Variants in RNF14 observed in about 807,000 individuals in gnomAD.
RNF14 encodes ring finger protein 14.
Under a neutral mutation model 52.6 loss-of-function variants are expected in RNF14, and 26 were observed. The observed-to-expected ratio is 0.49, with a 90% CI of 0.36 to 0.69. The LOEUF (loss-of-function observed/expected upper bound fraction) is 0.69. RNF14 is among the 30% of genes least tolerant of loss of function. The probability of loss-of-function intolerance (pLI) is 0.00; values close to 1 mark genes in which losing one functional copy is unlikely to be tolerated. For missense variants in RNF14, 404 were observed against 560.4 expected, an observed-to-expected ratio of 0.72 and a Z score of 2.82; for synonymous variants, 194 against 202.0, an observed-to-expected ratio of 0.96 and a Z score of 0.34.
Position 141,978,703 on chromosome 5 carries a change from T to C in RNF14, c.707T>C (p.Leu236Ser). 6.2e-7 allele frequency: 1 copy of C among 1,614,012 alleles called. No homozygotes were observed. The change falls in exon 5 of 9, where the codon TTG becomes TCG. Residue 236 changes from leucine (L) to serine (S), a missense_variant. Leu to Ser is a moderately radical substitution (Grantham distance 145). Transcript: ENST00000394520. ...CTGGGTAGTGAATGCATGTACTTCT[T>C]GGAGTGCAGGCATGTGTACTGCAAA... is the stretch of plus-strand genomic sequence containing the variant. ...EKLGSECMYFLECRHVYCKAC... is the reference protein window; with the variant it reads ...EKLGSECMYFSECRHVYCKAC...
At chr5:141,973,782 T>C (rs561394063) in intron 3 of RNF14, 40 bp downstream of exon 3, 2 of 1,521,688 alleles carry the variant, frequency 1.3e-6, no homozygotes, top group African/African-American at 2.8e-5. Context: ...TCTATTATTC[T>C]TTATTTCTTA....
chr5:141,989,857 G>A lies in RNF14; in HGVS notation c.*2067G>A, dbSNP rs252089. 0.87 allele frequency: 133,133 copies of A among 152,204 alleles called. 58,405 individuals carry two copies. Among genetic ancestry groups the A allele is most frequent in the East Asian group, 0.98 (5,095 of 5,190 alleles). The allele number at this position is 152,204 out of a possible 1,614,324, so 9.4% of individuals were successfully genotyped here. A position where few individuals can be genotyped will look rare whatever the true frequency, so the allele number is the denominator to read the frequency against. On this transcript the variant is annotated 3_prime_UTR_variant, in exon 9 of 9. Coordinates refer to ENST00000394520, the MANE Select transcript of RNF14 (RefSeq NM_004290.5). ...GAGCTACTCAGAAGCTCTATAGTTCGTGAGCTACTTGATATTTTCTAGAGA... is the reference window on the plus strand; with the variant it reads ...GAGCTACTCAGAAGCTCTATAGTTCATGAGCTACTTGATATTTTCTAGAGA...
At chr5:141,967,987 A>G (rs1398666859), upstream of RNF14, among the ~76,000 whole-genome samples, 1 of 152,236 alleles carries the variant, frequency 6.6e-6, no homozygotes, top group African/African-American at 2.4e-5. Context: ...AGCGGTATCT[A>G]TTAGCAGTCA....
At chr5:141,961,532 G>A (rs73792080) in intron 1 of RNF14, among the ~76,000 whole-genome samples, 205 of 152,256 alleles carry the variant, frequency 1.3e-3, no homozygotes, top group African/African-American at 4.7e-3. Flanking sequence ...CTGGAAAGGC[G>A]ACGTTTTCCT....
chr5:141,960,432 CAAAATGGGCAAAG>C (rs1753260973), intron 1 of RNF14, among the ~76,000 whole-genome samples: 1 of 152,144 alleles, frequency 6.6e-6, no homozygotes, highest in Non-Finnish European at 1.5e-5. Context: ...GTGGCAGGGG[CAAAATGGGCAAAG>C]GCCCCGAAGT....
At chr5:141,974,742 A>T in intron 3 of RNF14, 62 bp from the exon 4 acceptor site, 1 of 1,527,756 alleles carries the variant, frequency 6.5e-7, no homozygotes, top group Non-Finnish European at 9.0e-7. Context: ...AGCGCTGCTC[A>T]ACAGTAGTGG....
Position 141,988,648 on chromosome 5 carries a change from A to G in RNF14, c.*858A>G, listed in dbSNP as rs1473665972. On this transcript the variant is annotated 3_prime_UTR_variant, in exon 9 of 9. Coordinates refer to ENST00000394520, the MANE Select transcript of RNF14 (RefSeq NM_004290.5). ...GGATGATTTTAATATTAATTCCAGG[A>G]ACACATGTTTTTATTTCCTCTGCTG... is the stretch of plus-strand genomic sequence containing the variant. 10 of 152,290 alleles carry G rather than the reference A, an allele frequency of 6.6e-5. No individual in the cohort carries two copies. The highest frequency in any genetic ancestry group is 4.1e-4 in the South Asian group (2 of 4,826). The allele number at this position is 152,290 out of a possible 1,614,324, so 9.4% of individuals were successfully genotyped here.
At chr5:141,949,536 T>C in the RNF14 span, 1 of 1,614,246 alleles carries the variant, frequency 6.2e-7, no homozygotes, top group Non-Finnish European at 8.5e-7. Context: ...TGGGTCTGTC[T>C]GGCCTCCAGC....
chr5:141,957,315 G>A, upstream of RNF14: 2 of 1,613,430 alleles, frequency 1.2e-6, no homozygotes, highest in South Asian at 1.1e-5. This position sits in a 1 kb window ranked among gnomAD's most constrained non-coding sequence, Gnocchi z 4.3. Context: ...CCAAGGCAAA[G>A]TGCTCACTGG....
intron 4 of RNF14, among the ~76,000 whole-genome samples, chr5:141,976,415 T>A (rs908210885): frequency 6.6e-6 from 1 of 152,222 alleles, no homozygotes; most frequent in African/African-American, 2.4e-5. Flanking sequence ...AATGCTGGAT[T>A]TGGGGGCGGA....
upstream of RNF14, among the ~76,000 whole-genome samples, chr5:141,954,532 C>T (rs1337586728): frequency 6.6e-6 from 1 of 152,216 alleles, no homozygotes; most frequent in East Asian, 1.9e-4. Flanking sequence ...ACATCTTCAA[C>T]AGAGATGTTA....
At chr5:141,951,790 C>G in the RNF14 span, among the ~76,000 whole-genome samples, 1 of 152,112 alleles carries the variant, frequency 6.6e-6, no homozygotes, top group Non-Finnish European at 1.5e-5. Flanking sequence ...GTCATGTCAC[C>G]CCAGGACCTG....
At chr5:141,957,432 C>T (rs1753204371), upstream of RNF14, 3 of 1,612,648 alleles carry the variant, frequency 1.9e-6, no homozygotes, top group Non-Finnish European at 2.5e-6. The surrounding 1 kb of genome is among the most constrained non-coding windows in gnomAD (Gnocchi z 4.3). Context: ...TTTCCAGCTC[C>T]TGCTCGCCTT....
Position 141,987,930 on chromosome 5 carries a change from T to C in RNF14, c.*140T>C. The C allele has an allele frequency of 1.3e-6, 1 of 758,000 alleles. No homozygotes were observed. Among genetic ancestry groups the C allele is most frequent in the Admixed American group, 2.4e-5 (1 of 41,658 alleles). 47.0% of individuals were successfully genotyped at this position (758,000 alleles called of 1,614,324 possible). A position where few individuals can be genotyped will look rare whatever the true frequency, so the allele number is the denominator to read the frequency against. On this transcript the variant is annotated 3_prime_UTR_variant, in exon 9 of 9. Transcript: ENST00000394520. ...AGATATGGAAGAACGAGGTTTATAT[T>C]TTCATGTGGTACTACTGAAGAAGGT...
upstream of RNF14, chr5:141,955,630 C>T (rs199588569): frequency 2.4e-5 from 38 of 1,613,988 alleles, no homozygotes; most frequent in East Asian, 2.0e-4. This position sits in a 1 kb window ranked among gnomAD's most constrained non-coding sequence, Gnocchi z 5.5. Flanking sequence ...CTTTTCTGTC[C>T]GGCAGATGGA....
chr5:141,987,696 C>A, intron 8 of RNF14, 37 bp from the exon 9 acceptor site: 1 of 1,600,292 alleles, frequency 6.2e-7, no homozygotes, highest in Non-Finnish European at 8.6e-7. Context: ...TTGTTTCGTT[C>A]AAGTGTATAA....
chr5:141,974,385 T>C (rs1754060625), intron 3 of RNF14, among the ~76,000 whole-genome samples: 1 of 152,210 alleles, frequency 6.6e-6, no homozygotes, highest in Non-Finnish European at 1.5e-5. Flanking sequence ...TCATGGGTAG[T>C]TGGGACATGC....
At chr5:141,961,097 C>T (rs895622469) in intron 1 of RNF14, among the ~76,000 whole-genome samples, 5 of 152,186 alleles carry the variant, frequency 3.3e-5, no homozygotes, top group African/African-American at 1.2e-4. Context: ...ACCAAGGCCA[C>T]AGAAGGAGTT....
intron 2 of RNF14, among the ~76,000 whole-genome samples, chr5:141,973,241 C>CTTTTTT (rs11385874): frequency 5.0e-5 from 7 of 141,110 alleles, no homozygotes; most frequent in East Asian, 2.1e-4. Context: ...ATTTTCTTTT[C>CTTTTTT]TTTTTTTTTT....
Sources: gnomAD v4.1 joint callset for allele counts (sites outside exome capture counted in the v4.1 genomes callset) on GRCh38, gnomAD v4.1.1 for gene constraint, Gnocchi (gnomAD v3.1) non-coding constraint, MANE v1.5 for transcripts, NCBI Gene and HGNC (gene_info 2026-07-23, HGNC 2026-07-21) for gene names.